Variants in GRID2 observed in about 807,000 individuals in gnomAD.
The protein encoded by GRID2 is glutamate ionotropic receptor delta type subunit 2, also known as glutamate receptor ionotropic, delta-2.
A neutral mutation model predicts 114.8 loss-of-function variants in GRID2; 33 were observed. The ratio of observed to expected loss-of-function variants is 0.29; its 90% CI spans 0.22 to 0.38. GRID2 has a LOEUF of 0.38. Ranked by LOEUF, GRID2 falls within the 10% of genes least tolerant of loss-of-function variation. The probability of loss-of-function intolerance (pLI) is 1.00; values close to 1 mark genes in which losing one functional copy is unlikely to be tolerated. For synonymous variants in GRID2, 505 were observed against 449.9 expected (o/e 1.12, Z -1.55); for missense variants, 1,184 against 1,257.7 (o/e 0.94, Z 0.89).
At chr4:93,108,406 G>A (rs1012597747) in intron 3 of GRID2, among the ~76,000 whole-genome samples, 2 of 152,106 alleles carry the variant, frequency 1.3e-5, no homozygotes, top group African/African-American at 4.8e-5. Context: ...ATGTAAACTA[G>A]TACTGGTATT....
intron 3 of GRID2, among the ~76,000 whole-genome samples, chr4:93,086,885 A>C (rs1730368814): frequency 6.6e-6 from 1 of 152,154 alleles, no homozygotes; most frequent in African/African-American, 2.4e-5. Context: ...TTTATAACTT[A>C]AATGGTATTT....
chr4:92,838,623 A>G, intron 2 of GRID2, among the ~76,000 whole-genome samples: 1 of 152,140 alleles, frequency 6.6e-6, no homozygotes, highest in East Asian at 1.9e-4. Context: ...GTACATTTCT[A>G]TTATCAAATG....
intron 2 of GRID2, among the ~76,000 whole-genome samples, chr4:92,649,043 T>TATATATA (rs1255287068): frequency 2.9e-3 from 1 of 348 alleles, no homozygotes; most frequent in Admixed American, 0.1. Flanking sequence ...TATATATATA[T>TATATATA]ATATATAATA....
intron 8 of GRID2, among the ~76,000 whole-genome samples, chr4:93,275,194 A>G (rs1751916892): frequency 6.6e-6 from 1 of 151,996 alleles, no homozygotes; most frequent in African/African-American, 2.4e-5. Context: ...GGCTTCATTC[A>G]CTTACTATTA....
chr4:92,560,176 G>A (rs574703027), intron 1 of GRID2, among the ~76,000 whole-genome samples: 1 of 152,168 alleles, frequency 6.6e-6, no homozygotes, highest in Non-Finnish European at 1.5e-5. Context: ...AGAAAGGAGA[G>A]GGGAGCCTGC....
At chr4:92,728,497 G>A (rs957725358) in intron 2 of GRID2, among the ~76,000 whole-genome samples, 1 of 152,010 alleles carries the variant, frequency 6.6e-6, no homozygotes, top group African/African-American at 2.4e-5. Flanking sequence ...CTTCCATGGG[G>A]CTGTCTCAGA....
intron 1 of GRID2, among the ~76,000 whole-genome samples, chr4:93,789,142 A>G (rs1160632467): frequency 6.6e-6 from 1 of 152,230 alleles, no homozygotes; most frequent in Non-Finnish European, 1.5e-5. Flanking sequence ...ACAAATACAA[A>G]AGCTTAGATA....
chr4:93,606,981 AACTTG>A (rs1156559124), intron 13 of GRID2, among the ~76,000 whole-genome samples: 5 of 152,260 alleles, frequency 3.3e-5, no homozygotes, highest in African/African-American at 1.2e-4. Context: ...GGCCTTAATA[AACTTG>A]ACTTTCAAAA....
At chr4:93,673,543 C>T (rs1724602940) in intron 14 of GRID2, among the ~76,000 whole-genome samples, 1 of 152,102 alleles carries the variant, frequency 6.6e-6, no homozygotes, top group Admixed American at 6.5e-5. Flanking sequence ...AAACATCTTA[C>T]AATCACTTTT....
intron 1 of GRID2, among the ~76,000 whole-genome samples, chr4:92,485,301 CATATATATAT>C (rs34583484): frequency 0.065 from 3,693 of 56,476 alleles, 240 homozygotes; most frequent in East Asian, 0.19. Context: ...AAGGTGTGTG[CATATATATAT>C]ATATATATAT....
At chr4:92,661,518 C>T (rs1282672601) in intron 2 of GRID2, among the ~76,000 whole-genome samples, 1 of 150,684 alleles carries the variant, frequency 6.6e-6, no homozygotes, top group Non-Finnish European at 1.5e-5. Flanking sequence ...TGCCTCATTT[C>T]TTAATGAACA....
chr4:93,683,087 C>G (rs1409404887), intron 14 of GRID2, among the ~76,000 whole-genome samples: 1 of 151,884 alleles, frequency 6.6e-6, no homozygotes, highest in Non-Finnish European at 1.5e-5. Flanking sequence ...TCATACATTT[C>G]TAACCTTTTT....
intron 2 of GRID2, among the ~76,000 whole-genome samples, chr4:93,074,505 C>T (rs1469787759): frequency 6.6e-6 from 1 of 151,998 alleles, no homozygotes; most frequent in African/African-American, 2.4e-5. Context: ...TAAAGCAGTA[C>T]ATAGAGGGAA....
intron 2 of GRID2, among the ~76,000 whole-genome samples, chr4:92,854,625 A>G (rs1325822727): frequency 1.3e-5 from 2 of 151,942 alleles, no homozygotes; most frequent in Admixed American, 6.6e-5. Flanking sequence ...CGTAAACAAG[A>G]TGATATGAAA....
chr4:92,876,280 TTATTTTA>T (rs1349459523), intron 2 of GRID2, among the ~76,000 whole-genome samples: 1 of 148,688 alleles, frequency 6.7e-6, no homozygotes, highest in Non-Finnish European at 1.5e-5. Flanking sequence ...TTTTTTTTTA[TTATTTTA>T]TTTATTTATT....
chr4:92,723,109 G>A (rs1048563324), intron 2 of GRID2, among the ~76,000 whole-genome samples: 1 of 151,708 alleles, frequency 6.6e-6, no homozygotes, highest in Non-Finnish European at 1.5e-5. Context: ...CTTAGTGATT[G>A]ACCCCCAAAT....
At chr4:93,571,928 A>C (rs981555390) in intron 13 of GRID2, among the ~76,000 whole-genome samples, 1 of 152,124 alleles carries the variant, frequency 6.6e-6, no homozygotes, top group Non-Finnish European at 1.5e-5. Flanking sequence ...GGAAAAAAGG[A>C]TAGTGGATGG....
At chr4:93,528,459 T>A (rs56026771) in intron 13 of GRID2, among the ~76,000 whole-genome samples, 2 of 152,074 alleles carry the variant, frequency 1.3e-5, no homozygotes, top group Admixed American at 6.6e-5. Context: ...ATTTTGTTTT[T>A]TTGATAGTAG....
intron 1 of GRID2, among the ~76,000 whole-genome samples, chr4:92,534,084 T>C (rs941228161): frequency 2.6e-5 from 4 of 152,106 alleles, no homozygotes; most frequent in African/African-American, 9.6e-5. Flanking sequence ...AATAGCTTAT[T>C]TAAATCTTTT....
Sources: gnomAD v4.1 joint callset for allele counts (sites outside exome capture counted in the v4.1 genomes callset) on GRCh38, gnomAD v4.1.1 for gene constraint, MANE v1.5 for transcripts, NCBI Gene and HGNC (gene_info 2026-07-23, HGNC 2026-07-21) for gene names.